Variants in XKR7 observed in about 807,000 individuals in gnomAD.
XKR7 encodes the protein XK-related protein 7.
A neutral mutation model predicts 42.2 loss-of-function variants in XKR7; 11 were observed. That is an observed-to-expected ratio of 0.26 (90% confidence interval 0.16 to 0.43). XKR7 has a LOEUF of 0.43. Ranked by LOEUF, XKR7 falls within the 20% of genes least tolerant of loss-of-function variation. The pLI is 1.00. For synonymous variants in XKR7, 346 were observed against 366.4 expected (o/e 0.94, Z 0.64); for missense variants, 710 against 802.2 (o/e 0.89, Z 1.39).
At position 32,002,091 on chromosome 20, in the gene XKR7, G is replaced by C. The variant is rs2064627617; in HGVS notation, c.*4634G>C. The C allele has an allele frequency of 6.6e-6, 1 of 152,264 alleles. No homozygotes were observed. Among genetic ancestry groups the C allele is most frequent in the African/African-American group, 2.4e-5 (1 of 41,426 alleles). 9.4% of individuals were successfully genotyped at this position (152,264 alleles called of 1,614,324 possible). ...GCTGCTGCCGGTAGAGGTATGGGGA[G>C]GAAAAACTCTAGAGTGGGAGATGTG... On this transcript the variant is annotated 3_prime_UTR_variant, in exon 3 of 3. Transcript: ENST00000562532.
At position 31,997,656 on chromosome 20, in the gene XKR7, T is replaced by C. The variant is rs577152458; in HGVS notation, c.*199T>C. 7.6e-5 allele frequency: 44 copies of C among 579,760 alleles called. No homozygotes were observed. In the South Asian group the frequency reaches 9.7e-4, roughly 13 times the overall value. 35.9% of individuals were successfully genotyped at this position (579,760 alleles called of 1,614,324 possible). ...CAGCCCTGGGCCCCGTTTTCAGCCT[T>C]GTGGCCCATTCCCTAAATTCCCCTG... is the stretch of plus-strand genomic sequence containing the variant. On this transcript the variant is annotated 3_prime_UTR_variant, in exon 3 of 3. Coordinates refer to ENST00000562532, the MANE Select transcript of XKR7 (RefSeq NM_001011718.2).
rs1410394468 is a variant in XKR7, at chr20:31,968,670, G to A, written c.495G>A (p.Ser165=). The stretch of plus-strand genomic sequence containing the variant: ...CGGGTCCCCAGCCTGCGCCCTCCTC[G>A]GCCAGCGCCTACCGCCGCCGCTGCT... ...PEPGPQPAPS[S]ASAYRRRCCR... The change falls in exon 1 of 3, where the codon TCG becomes TCA. Residue 165 remains serine, a synonymous_variant. Transcript: ENST00000562532. The surrounding 1 kb of genome is among the most constrained non-coding windows in gnomAD (Gnocchi z 4.5). The A allele has an allele frequency of 6.4e-7, 1 of 1,569,954 alleles. No homozygotes were observed. The highest frequency in any genetic ancestry group is 8.6e-7 in the Non-Finnish European group (1 of 1,165,538).
At position 31,997,449 on chromosome 20, in the gene XKR7, A is replaced by T. The variant is rs753586025; in HGVS notation, c.1732A>T (p.Thr578Ser). The T allele has an allele frequency of 6.3e-7, 1 of 1,595,638 alleles. No homozygotes were observed. The highest frequency in any genetic ancestry group is 1.1e-5 in the South Asian group (1 of 90,506). ...CCAGGAGCTGCTGGAGTATGAGACC[A>T]CAGTGTAGGCTACAGTGTCCCAGCA... ...TSQELLEYET[T>S]V Residue 578 changes from threonine (T) to serine (S), a missense_variant, in exon 3 of 3, where the codon ACA becomes TCA. Physicochemically the swap from Thr to Ser is moderately conservative, Grantham distance 58. Around this residue, in one of 2 missense-constraint regions of XKR7, gnomAD observed 708 missense variants for 786.2 expected, o/e 0.90. Transcript: ENST00000562532.
At chr20:31,994,670 C>T (rs1033763829) in intron 1 of XKR7, among the ~76,000 whole-genome samples, 1 of 152,146 alleles carries the variant, frequency 6.6e-6, no homozygotes, top group African/African-American at 2.4e-5. Flanking sequence ...CGCACCACTG[C>T]ACTCCAGCCT....
chr20:31,972,257 C>T (rs2064468898), intron 1 of XKR7, among the ~76,000 whole-genome samples: 1 of 152,160 alleles, frequency 6.6e-6, no homozygotes, highest in Non-Finnish European at 1.5e-5. Context: ...TTGATATACC[C>T]ATTTATCAGA....
At chr20:31,983,255 C>A (rs1434469958) in intron 1 of XKR7, among the ~76,000 whole-genome samples, 1 of 152,148 alleles carries the variant, frequency 6.6e-6, no homozygotes, top group Non-Finnish European at 1.5e-5. Context: ...TCTCATGGAG[C>A]CTGCAGTGCT....
At chr20:31,994,938 T>G in intron 1 of XKR7, 130 bp from the exon 2 acceptor site, 2 of 1,456,166 alleles carry the variant, frequency 1.4e-6, no homozygotes, top group South Asian at 2.7e-5. Flanking sequence ...AAATGCCCAT[T>G]TCACAGCTGA....
intron 1 of XKR7, among the ~76,000 whole-genome samples, chr20:31,976,125 A>G (rs1568880615): frequency 6.6e-6 from 1 of 152,236 alleles, no homozygotes; most frequent in Admixed American, 6.5e-5. Context: ...CACAGTACTC[A>G]GCACATAGTG....
chr20:31,968,857 C>T lies in XKR7; in HGVS notation c.584+98C>T. Reference sequence around the variant, plus strand: ...CCTGATCTGACCTTTCCGGGCTACCCTCCTGTCCTGACCTCCCCCCCTCCC... The same window carrying T: ...CCTGATCTGACCTTTCCGGGCTACCTTCCTGTCCTGACCTCCCCCCCTCCC... On this transcript the variant is annotated intron_variant, in intron 1 of 2. Transcript: ENST00000562532. This position sits in a 1 kb window ranked among gnomAD's most constrained non-coding sequence, Gnocchi z 4.5. 1 of 1,422,204 alleles carries T rather than the reference C, an allele frequency of 7.0e-7. No individual in the cohort carries two copies. Among genetic ancestry groups the T allele is most frequent in the Non-Finnish European group, 9.2e-7 (1 of 1,089,772 alleles). The allele number at this position is 1,422,204 out of a possible 1,614,324, so 88.1% of individuals were successfully genotyped here.
Position 31,997,056 on chromosome 20 carries a change from G to C in XKR7, c.1339G>C (p.Gly447Arg), listed in dbSNP as rs554898504. 7.3e-5 allele frequency: 118 copies of C among 1,613,818 alleles called. 1 individual carries two copies. In the South Asian group the frequency reaches 1.3e-3, roughly 18 times the overall value. Residue 447 changes from glycine to arginine, a missense_variant, in exon 3 of 3, where the codon GGT (glycine) becomes CGT (arginine). Transcript: ENST00000562532. ...CCTGCACCCCAATGGGCCCATGCTG[G>C]GTCCCCAGGCACCTGGTTGCATCTT... ...CLLHPNGPMLGPQAPGCIFRK... is the reference protein window; with the variant it reads ...CLLHPNGPMLRPQAPGCIFRK...
rs2064596546 is a variant in XKR7 at position 31,997,055 on chromosome 20, G to A, written c.1338G>A (p.Leu446=). 1.2e-6 allele frequency: 2 copies of A among 1,613,712 alleles called. No homozygotes were observed. Among genetic ancestry groups the A allele is most frequent in the African/African-American group, 2.7e-5 (2 of 74,948 alleles). Residue 446 remains leucine, a synonymous_variant, in exon 3 of 3, where the codon CTG becomes CTA. Coordinates refer to ENST00000562532, the MANE Select transcript of XKR7 (RefSeq NM_001011718.2). ...YCLLHPNGPM[L]GPQAPGCIFR... ...TCCTGCACCCCAATGGGCCCATGCTGGGTCCCCAGGCACCTGGTTGCATCT... is the reference window on the plus strand; with the variant it reads ...TCCTGCACCCCAATGGGCCCATGCTAGGTCCCCAGGCACCTGGTTGCATCT...
At chr20:31,972,919 G>C (rs530480615) in intron 1 of XKR7, among the ~76,000 whole-genome samples, 2 of 152,156 alleles carry the variant, frequency 1.3e-5, no homozygotes, top group Non-Finnish European at 2.9e-5. Context: ...CTACATTCTT[G>C]GCATAACGGT....
At chr20:31,992,974 AAAC>A (rs1347770905) in intron 1 of XKR7, among the ~76,000 whole-genome samples, 1 of 152,018 alleles carries the variant, frequency 6.6e-6, no homozygotes, top group Non-Finnish European at 1.5e-5. Context: ...CCTGGTTCCC[AAAC>A]AACATCCTGG....
intron 1 of XKR7, among the ~76,000 whole-genome samples, chr20:31,970,027 T>C (rs1283557020): frequency 1.3e-5 from 2 of 152,214 alleles, no homozygotes; most frequent in African/African-American, 4.8e-5. Context: ...TCTGCCTTTG[T>C]TTCCCTATCT....
At chr20:31,970,549 A>G (rs1159247680) in intron 1 of XKR7, 1 of 152,208 alleles carries the variant, frequency 6.6e-6, no homozygotes, top group Admixed American at 6.5e-5. Flanking sequence ...GGATGAGATA[A>G]GTTTGTAGGG....
intron 1 of XKR7, among the ~76,000 whole-genome samples, chr20:31,981,663 G>T (rs1000456780): frequency 1.3e-5 from 2 of 152,258 alleles, no homozygotes; most frequent in African/African-American, 4.8e-5. Flanking sequence ...CTGCACTGCA[G>T]CCTGGGCAAC....
chr20:31,997,263 T>G lies in XKR7; in HGVS notation c.1546T>G (p.Leu516Val). Residue 516 changes from leucine (L) to valine (V), a missense_variant, in exon 3 of 3, where the codon TTG (leucine) becomes GTG (valine). Leu to Val is a conservative substitution (Grantham distance 32, BLOSUM62 1). Transcript: ENST00000562532. ...GCCTCCCACACCAGTGGCCCGCACC[T>G]TGCGGACAGAGGGGCCTGTCATCCG... Reference protein sequence around the residue: ...GLPPTPVARTLRTEGPVIRID... With the variant: ...GLPPTPVARTVRTEGPVIRID... The G allele has an allele frequency of 1.9e-6, 3 of 1,612,302 alleles. 1 individual carries two copies. The highest frequency in any genetic ancestry group is 2.5e-6 in the Non-Finnish European group (3 of 1,180,000).
chr20:31,983,038 G>C lies in XKR7; in HGVS notation c.585-12030G>C, dbSNP rs570959084. 4.1e-4 allele frequency among the ~76,000 whole-genome samples: 62 copies of C among 152,324 alleles called. No individual in the cohort carries two copies. In the South Asian group the frequency reaches 6.2e-3, roughly 15 times the overall value. On this transcript the variant is annotated intron_variant, in intron 1 of 2. Coordinates refer to ENST00000562532, the MANE Select transcript of XKR7 (RefSeq NM_001011718.2). ...GGGGCTACATAGTCAGTAAGAGATG[G>C]AGCTAGGATCTGAGCCCAGGCCTGA...
rs557630990 is a variant in XKR7 at position 31,985,994 on chromosome 20, A to G, written c.585-9074A>G. Among the ~76,000 whole-genome samples, 914 of 142,994 alleles carry G rather than the reference A, an allele frequency of 6.4e-3. 40 individuals are homozygous for G. The highest frequency in any genetic ancestry group is 0.023 in the African/African-American group (848 of 36,896). The allele number at this position is 142,994 out of a possible 152,430, so 93.8% of individuals were successfully genotyped here. ...CAGACAGACAGACAGACTACCAAGC[A>G]GACCCAGCATCCAAGACACAGACAG... is the stretch of plus-strand genomic sequence containing the variant. On this transcript the variant is annotated intron_variant, in intron 1 of 2. Coordinates refer to ENST00000562532, the MANE Select transcript of XKR7 (RefSeq NM_001011718.2).
Sources: gnomAD v4.1 joint callset for allele counts (sites outside exome capture counted in the v4.1 genomes callset) on GRCh38, gnomAD v4.1.1 for gene constraint, gnomAD v4.1.1 regional missense constraint, Gnocchi (gnomAD v3.1) non-coding constraint, MANE v1.5 for transcripts, NCBI Gene and HGNC (gene_info 2026-07-23, HGNC 2026-07-21) for gene names.